TCEANC2: variants seen among roughly 807,000 people sequenced by gnomAD.
The protein encoded by TCEANC2 is transcription elongation factor A N-terminal and central domain containing 2.
Under a neutral mutation model 22.8 loss-of-function variants are expected in TCEANC2, and 20 were observed. The observed-to-expected ratio is 0.88, with a 90% confidence interval of 0.62 to 1.28. The LOEUF (loss-of-function observed/expected upper bound fraction) is 1.28. Among genes scored for constraint, TCEANC2 ranks in the 50% most tolerant of loss-of-function variants. TCEANC2 has a pLI of 0.00. For missense variants in TCEANC2, 251 were observed against 249.7 expected (o/e 1.01, Z -0.03); for synonymous variants, 84 against 95.5 (o/e 0.88, Z 0.70).
chr1:54,108,635 T>C (rs1191909612), downstream of TCEANC2, among the ~76,000 whole-genome samples: 1 of 152,148 alleles, frequency 6.6e-6, no homozygotes, highest in East Asian at 1.9e-4. Flanking sequence ...TGGTACTTTG[T>C]TATGGCAGCC....
intron 4 of TCEANC2, 103 bp downstream of exon 4, chr1:54,088,893 T>C: frequency 2.7e-6 from 2 of 751,964 alleles, no homozygotes; most frequent in Non-Finnish European, 3.9e-6. Flanking sequence ...TAGTAGGTGC[T>C]CTTGGTTAAA....
intron 4 of TCEANC2, chr1:54,089,852 C>T (rs928742452): frequency 5.4e-6 from 3 of 552,798 alleles, no homozygotes; most frequent in Non-Finnish European, 6.6e-6. Flanking sequence ...TCTTCACCTT[C>T]ACCATGTTCC....
intron 2 of TCEANC2, among the ~76,000 whole-genome samples, chr1:54,063,899 G>T (rs1347593939): frequency 6.6e-6 from 1 of 152,144 alleles, no homozygotes; most frequent in Non-Finnish European, 1.5e-5. Context: ...TTGACCTATG[G>T]TTGGTTGAAT....
rs1658389558 is a variant in TCEANC2, at chr1:54,088,808, TACA to T, written c.438+21_438+23del. ...AATTAAAGGTAATGCCCTAAATATATACAACTGTTATGTACCCATAATAATTAA... is the reference window on the plus strand; with the variant it reads ...AATTAAAGGTAATGCCCTAAATATATACTGTTATGTACCCATAATAATTAA... On this transcript the variant is annotated intron_variant, in intron 4 of 4. Transcript: ENST00000234827. 1 of 1,524,580 alleles carries T rather than the reference TACA, an allele frequency of 6.6e-7. No individual in the cohort carries two copies. The highest frequency in any genetic ancestry group is 1.4e-5 in the African/African-American group (1 of 70,906). The allele number at this position is 1,524,580 out of a possible 1,614,324, so 94.4% of individuals were successfully genotyped here.
intron 3 of TCEANC2, among the ~76,000 whole-genome samples, chr1:54,076,334 C>T (rs189919350): frequency 3.3e-5 from 5 of 152,282 alleles, no homozygotes; most frequent in Admixed American, 6.5e-5. Context: ...TTAGCTCCCA[C>T]TTATAAGTGA....
At chr1:54,055,344 C>A (rs1380732123) in intron 2 of TCEANC2, among the ~76,000 whole-genome samples, 4 of 152,200 alleles carry the variant, frequency 2.6e-5, no homozygotes, top group African/African-American at 9.7e-5. Flanking sequence ...AGAGTAGATA[C>A]AATGTATCAA....
At chr1:54,084,153 T>C (rs1293274410) in intron 3 of TCEANC2, among the ~76,000 whole-genome samples, 1 of 152,004 alleles carries the variant, frequency 6.6e-6, no homozygotes, top group Non-Finnish European at 1.5e-5. Context: ...GCTGGAATTA[T>C]AGGCATTCAC....
chr1:54,054,109 TG>T (rs1657687489), intron 1 of TCEANC2: 1 of 525,482 alleles, frequency 1.9e-6, no homozygotes, highest in African/African-American at 2.0e-5. Context: ...ATTCCAATAT[TG>T]GGCCAATTCC....
chr1:54,081,182 A>G (rs926493395), intron 3 of TCEANC2, among the ~76,000 whole-genome samples: 2 of 152,210 alleles, frequency 1.3e-5, no homozygotes, highest in Non-Finnish European at 2.9e-5. Flanking sequence ...TGAGGATTAA[A>G]TGAATTAATA....
intron 3 of TCEANC2, among the ~76,000 whole-genome samples, chr1:54,088,136 T>C (rs1416506854): frequency 1.3e-5 from 2 of 152,206 alleles, no homozygotes; most frequent in African/African-American, 4.8e-5. Flanking sequence ...CACTGATGAT[T>C]GTCTCTGAAT....
chr1:54,078,264 C>T lies in TCEANC2; in HGVS notation c.244+9367C>T, dbSNP rs76067254. Among the ~76,000 whole-genome samples the T allele has an allele frequency of 3.2e-3, 488 of 152,066 alleles. 2 individuals are homozygous for T. Among genetic ancestry groups the T allele is most frequent in the African/African-American group, 0.011 (461 of 41,464 alleles). The stretch of plus-strand genomic sequence containing the variant: ...TGTCAGTGTCATAACCCTTTTAAAT[C>T]CATTTACCTACTTCAGTTTATAAAC... On this transcript the variant is annotated intron_variant, in intron 3 of 4. Transcript: ENST00000234827.
At chr1:54,057,311 G>T in intron 2 of TCEANC2, among the ~76,000 whole-genome samples, 1 of 143,018 alleles carries the variant, frequency 7.0e-6, no homozygotes, top group Non-Finnish European at 1.5e-5. Flanking sequence ...TCACATCATA[G>T]CTGGGACTAT....
downstream of TCEANC2, among the ~76,000 whole-genome samples, chr1:54,107,822 G>A (rs968821830): frequency 3.2e-4 from 49 of 152,162 alleles, no homozygotes; most frequent in African/African-American, 1.0e-3. Context: ...CTTTGAGTAG[G>A]ATAATCATTA....
chr1:54,057,666 T>C (rs1221615030), intron 2 of TCEANC2, among the ~76,000 whole-genome samples: 1 of 152,136 alleles, frequency 6.6e-6, no homozygotes, highest in Admixed American at 6.6e-5. Flanking sequence ...CAGAGAAATA[T>C]GTCTCAAATA....
At chr1:54,082,265 A>T (rs965061583) in intron 3 of TCEANC2, among the ~76,000 whole-genome samples, 9 of 152,254 alleles carry the variant, frequency 5.9e-5, no homozygotes, top group Non-Finnish European at 1.2e-4. Context: ...AGTGGATAAG[A>T]ATTAGAAACT....
At chr1:54,065,716 A>AAT (rs112344177) in intron 2 of TCEANC2, among the ~76,000 whole-genome samples, 13,333 of 150,312 alleles carry the variant, frequency 0.089, 1,339 homozygotes, top group African/African-American at 0.25. Context: ...CTGTCTCAAA[A>AAT]ATATATATAT....
intron 3 of TCEANC2, among the ~76,000 whole-genome samples, chr1:54,075,132 G>A (rs1169092562): frequency 6.6e-6 from 1 of 152,168 alleles, no homozygotes; most frequent in East Asian, 1.9e-4. Flanking sequence ...CACATACTGA[G>A]TACCTTCCTT....
At chr1:54,074,384 A>AC (rs1227386192) in intron 3 of TCEANC2, among the ~76,000 whole-genome samples, 1 of 152,012 alleles carries the variant, frequency 6.6e-6, no homozygotes, top group Admixed American at 6.6e-5. Context: ...AATGGCGTGA[A>AC]CCCGGGGGGC....
At chr1:54,091,351 A>G (rs1018109687) in intron 4 of TCEANC2, among the ~76,000 whole-genome samples, 2 of 152,218 alleles carry the variant, frequency 1.3e-5, no homozygotes, top group African/African-American at 4.8e-5. Flanking sequence ...ACAGTAACCA[A>G]TGTTGAGTGC....
Sources: gnomAD v4.1 joint callset for allele counts (sites outside exome capture counted in the v4.1 genomes callset) on GRCh38, gnomAD v4.1.1 for gene constraint, MANE v1.5 for transcripts, NCBI Gene and HGNC (gene_info 2026-07-23, HGNC 2026-07-21) for gene names.